Variants in TAPBP observed in about 807,000 individuals in gnomAD.
TAPBP encodes the protein tapasin.
A neutral mutation model predicts 45.7 loss-of-function variants in TAPBP; 38 were observed. The ratio of observed to expected loss-of-function variants is 0.83; its 90% CI spans 0.64 to 1.09. TAPBP has a LOEUF of 1.09. Ranked by LOEUF, TAPBP falls within the 50% of genes least tolerant of loss-of-function variation. The probability of loss-of-function intolerance (pLI) is 0.00; values close to 1 mark genes in which losing one functional copy is unlikely to be tolerated. For synonymous variants in TAPBP, 226 were observed against 254.8 expected (o/e 0.89, Z 1.08); for missense variants, 513 against 587.3 (o/e 0.87, Z 1.31).
At chr6:33,303,139 G>A (rs1049436450) in intron 7 of TAPBP, among the ~76,000 whole-genome samples, 1 of 152,014 alleles carries the variant, frequency 6.6e-6, no homozygotes, top group African/African-American at 2.4e-5. Flanking sequence ...ATTGTGGTCG[G>A]GTGCAGCGGT....
chr6:33,304,386 T>C lies in TAPBP; in HGVS notation c.1121A>G (p.Glu374Gly). The change falls in exon 5 of 8, where the codon GAG becomes GGG. Residue 374 changes from glutamate (E) to glycine (G), a missense_variant. Glu to Gly is a moderately conservative substitution (Grantham distance 98, BLOSUM62 -2). Transcript: ENST00000434618. Reference protein sequence around the residue: ...GHLQPPPVTTEQHGARYACRI... With the variant: ...GHLQPPPVTTGQHGARYACRI... ...ACAGGCATAGCGTGCCCCATGCTGC[T>C]CAGTGGTGACTGGGGGCGGCTGCAA... is the stretch of plus-strand genomic sequence containing the variant. 1 of 1,613,056 alleles carries C rather than the reference T, an allele frequency of 6.2e-7. No individual in the cohort carries two copies. Among genetic ancestry groups the C allele is most frequent in the Non-Finnish European group, 8.5e-7 (1 of 1,179,466 alleles).
intron 3 of TAPBP, among the ~76,000 whole-genome samples, chr6:33,310,788 C>T (rs189877469): frequency 1.3e-5 from 2 of 150,142 alleles, no homozygotes; most frequent in African/African-American, 2.5e-5. Flanking sequence ...CACTGCTCTC[C>T]AGCCTGCACT....
chr6:33,307,160 C>A (rs1769032303), intron 3 of TAPBP, among the ~76,000 whole-genome samples: 1 of 151,812 alleles, frequency 6.6e-6, no homozygotes, highest in African/African-American at 2.4e-5. Flanking sequence ...TGGGGGCAGG[C>A]ACCTGTAGTC....
In TAPBP at chr6:33,313,216, C is replaced by T. The variant is rs1490281930; in HGVS notation, c.469+1G>A. On this transcript the variant is annotated splice_donor_variant, in intron 3 of 7. Coordinates refer to ENST00000434618, the MANE Select transcript of TAPBP (RefSeq NM_003190.5). LOFTEE classifies it high-confidence loss of function. The surrounding 1 kb of genome is among the most constrained non-coding windows in gnomAD (Gnocchi z 7.2). ...CTTCTCCACCTCCCCTCCCCAGCTA[C>T]CTGTTGCCATGGTGATGAGAACAGG... is the stretch of plus-strand genomic sequence containing the variant. The T allele has an allele frequency of 6.2e-7, 1 of 1,604,132 alleles. No individual in the cohort carries two copies. Among genetic ancestry groups the T allele is most frequent in the Non-Finnish European group, 8.5e-7 (1 of 1,171,980 alleles).
chr6:33,311,274 C>T (rs533335551), intron 3 of TAPBP, among the ~76,000 whole-genome samples: 2 of 152,146 alleles, frequency 1.3e-5, no homozygotes, highest in African/African-American at 4.8e-5. Flanking sequence ...CAAGATCATG[C>T]CACTGCAACT....
At chr6:33,311,559 C>T (rs1444441894) in intron 3 of TAPBP, among the ~76,000 whole-genome samples, 2 of 151,974 alleles carry the variant, frequency 1.3e-5, no homozygotes, top group African/African-American at 4.8e-5. Flanking sequence ...ACCAGGGAGG[C>T]GGAGGTTCCG....
In TAPBP at chr6:33,307,835, G is replaced by C. The variant is rs140678643; in HGVS notation, c.470-2448C>G. ...TATGGTTGTTGAGAGGAATAAGTGA[G>C]ATTATGCATATAAAGTGCTTAGAAC... On this transcript the variant is annotated intron_variant, in intron 3 of 7. Transcript: ENST00000434618. 1.1e-4 allele frequency among the ~76,000 whole-genome samples: 17 copies of C among 152,304 alleles called. No homozygotes were observed. The East Asian group carries it at 3.3e-3, about 29-fold the overall frequency.
At chr6:33,307,399 T>TAA (rs1769048360) in intron 3 of TAPBP, among the ~76,000 whole-genome samples, 1 of 51,890 alleles carries the variant, frequency 1.9e-5, no homozygotes, top group African/African-American at 4.7e-5. Flanking sequence ...TGCTTCTTTT[T>TAA]TTTTTTTTTT....
intron 3 of TAPBP, chr6:33,312,965 C>A: frequency 2.4e-6 from 1 of 425,262 alleles, no homozygotes; most frequent in Non-Finnish European, 4.1e-6. Flanking sequence ...AAGTAACCCC[C>A]CTGCCCGGCC....
At chr6:33,309,195 G>A (rs1316966392) in intron 3 of TAPBP, among the ~76,000 whole-genome samples, 1 of 152,048 alleles carries the variant, frequency 6.6e-6, no homozygotes, top group Admixed American at 6.6e-5. Flanking sequence ...GGGAGTTTGA[G>A]ACCAGACTGG....
chr6:33,310,967 A>G (rs953161377), intron 3 of TAPBP, among the ~76,000 whole-genome samples: 3 of 152,258 alleles, frequency 2.0e-5, no homozygotes, highest in African/African-American at 4.8e-5. Context: ...ATTTTACATC[A>G]GTACAACAGC....
At chr6:33,301,896 T>G in intron 7 of TAPBP, 125 bp from the exon 8 acceptor site, 2 of 1,396,342 alleles carry the variant, frequency 1.4e-6, no homozygotes, top group Non-Finnish European at 2.0e-6. Flanking sequence ...GGCTAATATT[T>G]TCTGCCCTCC....
In TAPBP at chr6:33,313,020, T is replaced by TG; in HGVS notation, c.469+196_469+197insC. 1 of 329,070 alleles carries TG rather than the reference T, an allele frequency of 3.0e-6. No homozygotes were observed. The highest frequency in any genetic ancestry group is 4.6e-6 in the Non-Finnish European group (1 of 217,764). 20.4% of individuals were successfully genotyped at this position (329,070 alleles called of 1,614,324 possible). A position where few individuals can be genotyped will look rare whatever the true frequency, so the allele number is the denominator to read the frequency against. On this transcript the variant is annotated intron_variant, in intron 3 of 7. Coordinates refer to ENST00000434618, the MANE Select transcript of TAPBP (RefSeq NM_003190.5). This position sits in a 1 kb window ranked among gnomAD's most constrained non-coding sequence, Gnocchi z 7.2. Reference sequence around the variant, plus strand: ...TGCCAAGCTGCAGTTTTTTTTTTGTTTTTTTTTTTTAACTGGGTGAGGGCT... The same window carrying TG: ...TGCCAAGCTGCAGTTTTTTTTTTGTTGTTTTTTTTTTAACTGGGTGAGGGCT...
rs1768508965 is a variant in TAPBP, at chr6:33,300,789, C to A, written c.*971G>T. 1 of 152,076 alleles carries A rather than the reference C, an allele frequency of 6.6e-6. No individual in the cohort carries two copies. Among genetic ancestry groups the A allele is most frequent in the Non-Finnish European group, 1.5e-5 (1 of 68,068 alleles). The allele number at this position is 152,076 out of a possible 1,614,324, so 9.4% of individuals were successfully genotyped here. On this transcript the variant is annotated 3_prime_UTR_variant, in exon 8 of 8. Transcript: ENST00000434618. ...GACCATCCTGGCTAACACGGTGAAA[C>A]CCCGTCTCTACTAAAAAATACAAAA...
chr6:33,305,270 G>C lies in TAPBP; in HGVS notation c.587C>G (p.Ala196Gly). 6.2e-7 allele frequency: 1 copy of C among 1,600,870 alleles called. No homozygotes were observed. Among genetic ancestry groups the C allele is most frequent in the East Asian group, 2.2e-5 (1 of 44,724 alleles). Reference protein sequence around the residue: ...PPTSEAASSLAPGPPPFGLEW... With the variant: ...PPTSEAASSLGPGPPPFGLEW... ...TAGCCCAAAGGGAGGGGGACCCGGAGCCAGAGATGAGGCGGCCTCGGAGGT... is the reference window on the plus strand; with the variant it reads ...TAGCCCAAAGGGAGGGGGACCCGGACCCAGAGATGAGGCGGCCTCGGAGGT... The change falls in exon 4 of 8, where the codon GCT becomes GGT. Residue 196 changes from alanine (A) to glycine (G), a missense_variant. Coordinates refer to ENST00000434618, the MANE Select transcript of TAPBP (RefSeq NM_003190.5). The surrounding 1 kb of genome is among the most constrained non-coding windows in gnomAD (Gnocchi z 4.4).
chr6:33,314,021 G>A lies in TAPBP; in HGVS notation c.21C>T (p.Leu7=), dbSNP rs768367936. Residue 7 remains leucine (L), a synonymous_variant, in exon 1 of 8, where the codon CTC becomes CTT. Transcript: ENST00000434618. Reference sequence around the variant, plus strand: ...TTCGCTCACCCAAAGCCACAGCGAGGAGCAGAGACAGGGACTTCATGGCGC... The same window carrying A: ...TTCGCTCACCCAAAGCCACAGCGAGAAGCAGAGACAGGGACTTCATGGCGC... The part of the protein sequence containing the change: MKSLSL[L]LAVALGLATA... The A allele has an allele frequency of 2.5e-6, 4 of 1,613,934 alleles. No individual in the cohort carries two copies. The highest frequency in any genetic ancestry group is 2.5e-6 in the Non-Finnish European group (3 of 1,180,038).
Position 33,305,078 on chromosome 6 carries a change from G to C in TAPBP, c.779C>G (p.Thr260Arg), listed in dbSNP as rs2071888. 0.54 allele frequency: 876,639 copies of C among 1,613,886 alleles called. 241,705 individuals carry two copies. The highest frequency in any genetic ancestry group is 0.74 in the African/African-American group (55,479 of 74,944). Residue 260 changes from threonine to arginine, a missense_variant, in exon 4 of 8, where the codon ACA (threonine) becomes AGA (arginine). Physicochemically the swap from Thr to Arg is moderately conservative, Grantham distance 71. Coordinates refer to ENST00000434618, the MANE Select transcript of TAPBP (RefSeq NM_003190.5). The surrounding 1 kb of genome is among the most constrained non-coding windows in gnomAD (Gnocchi z 4.4). The stretch of plus-strand genomic sequence containing the variant: ...GGTGCCCTCCTGAAAGGGTTGAACT[G>C]TAGGCAGCCAGAAGGTCCCATTTCC... ...WTGNGTFWLP[T>R]VQPFQEGTYL...
chr6:33,301,459 A>T lies in TAPBP; in HGVS notation c.*301T>A. 1 of 400,122 alleles carries T rather than the reference A, an allele frequency of 2.5e-6. No individual in the cohort carries two copies. The highest frequency in any genetic ancestry group is 4.5e-6 in the Non-Finnish European group (1 of 221,994). The allele number at this position is 400,122 out of a possible 1,614,324, so 24.8% of individuals were successfully genotyped here. Reference sequence around the variant, plus strand: ...TGTGGTGGCATGTGCCTGTAATCCCAGCTACTCCGGAGGCTGAAGCCACAG... The same window carrying T: ...TGTGGTGGCATGTGCCTGTAATCCCTGCTACTCCGGAGGCTGAAGCCACAG... On this transcript the variant is annotated 3_prime_UTR_variant, in exon 8 of 8. Coordinates refer to ENST00000434618, the MANE Select transcript of TAPBP (RefSeq NM_003190.5).
At chr6:33,310,095 T>G (rs183772827) in intron 3 of TAPBP, among the ~76,000 whole-genome samples, 1 of 151,700 alleles carries the variant, frequency 6.6e-6, no homozygotes, top group Non-Finnish European at 1.5e-5. Context: ...TGAGTGCAAA[T>G]GATCCTCCCA....
Sources: allele counts gnomAD v4.1 joint callset (sites outside exome capture counted in the v4.1 genomes callset), GRCh38; gene constraint gnomAD v4.1.1; non-coding constraint Gnocchi (gnomAD v3.1); transcripts MANE v1.5; gene names NCBI Gene and HGNC (gene_info 2026-07-23, HGNC 2026-07-21).